Variants in PTBP3 observed in about 807,000 individuals in gnomAD.
PTBP3 encodes the protein polypyrimidine tract-binding protein 3.
PTBP3 carries 20 observed loss-of-function variants against 58.7 expected under a neutral mutation model. The ratio of observed to expected loss-of-function variants is 0.34; its 90% CI spans 0.24 to 0.50. The LOEUF (loss-of-function observed/expected upper bound fraction) is 0.50. PTBP3 is among the 20% of genes least tolerant of loss of function. The pLI is 0.98. For missense variants in PTBP3, 509 were observed against 637.2 expected, an observed-to-expected ratio of 0.80 and a Z score of 2.17; for synonymous variants, 185 against 219.8, an observed-to-expected ratio of 0.84 and a Z score of 1.40.
intron 7 of PTBP3, among the ~76,000 whole-genome samples, chr9:112,246,571 T>C (rs944320758): frequency 6.6e-6 from 1 of 151,328 alleles, no homozygotes; most frequent in Admixed American, 6.6e-5. Context: ...CGGGCACCTG[T>C]AGTCCCAGCT....
At chr9:112,273,035 G>T (rs1298209743) in intron 3 of PTBP3, among the ~76,000 whole-genome samples, 1 of 152,084 alleles carries the variant, frequency 6.6e-6, no homozygotes, top group Non-Finnish European at 1.5e-5. Context: ...ATATTAACTG[G>T]ACAGATGTTA....
chr9:112,329,813 T>C (rs73545885), intron 1 of PTBP3, among the ~76,000 whole-genome samples: 2,664 of 149,558 alleles, frequency 0.018, 88 homozygotes, highest in African/African-American at 0.062. Flanking sequence ...AGAAAGGACA[T>C]GGTAAGAAGA....
intron 1 of PTBP3, chr9:112,332,988 C>T: frequency 7.6e-7 from 1 of 1,314,894 alleles, no homozygotes; most frequent in Non-Finnish European, 9.7e-7. Flanking sequence ...CAGACGTGTA[C>T]CGACGCGTGC....
chr9:112,242,508 C>T (rs945645473), intron 7 of PTBP3: 1 of 152,140 alleles, frequency 6.6e-6, no homozygotes, highest in Non-Finnish European at 1.5e-5. Context: ...TCTCCTATGT[C>T]TTCTTCTGGA....
chr9:112,220,697 G>A lies in PTBP3; in HGVS notation c.*3154C>T. The A allele has an allele frequency of 1.0e-6, 1 of 985,874 alleles. No homozygotes were observed. Among genetic ancestry groups the A allele is most frequent in the Non-Finnish European group, 1.2e-6 (1 of 829,930 alleles). 61.1% of individuals were successfully genotyped at this position (985,874 alleles called of 1,614,324 possible). A position where few individuals can be genotyped will look rare whatever the true frequency, so the allele number is the denominator to read the frequency against. On this transcript the variant is annotated 3_prime_UTR_variant, in exon 14 of 14. Coordinates refer to ENST00000374257, the MANE Select transcript of PTBP3 (RefSeq NM_001163788.4). ...AAGATACTGGGTCATTTTTCTATTT[G>A]TATGTTACACAAAACACATTTTACT...
chr9:112,231,276 C>A, intron 10 of PTBP3, 104 bp downstream of exon 10: 1 of 864,656 alleles, frequency 1.2e-6, no homozygotes, highest in South Asian at 2.0e-5. Flanking sequence ...TCAGTGTCAG[C>A]ACAATACTTG....
chr9:112,313,829 T>C (rs562953672), intron 1 of PTBP3, among the ~76,000 whole-genome samples: 70 of 152,152 alleles, frequency 4.6e-4, no homozygotes, highest in Admixed American at 2.4e-3. Context: ...TAAACATAGA[T>C]AGATTAAAAG....
upstream of PTBP3, among the ~76,000 whole-genome samples, chr9:112,334,764 C>G (rs1197500735): frequency 1.3e-5 from 2 of 152,188 alleles, no homozygotes; most frequent in Non-Finnish European, 2.9e-5. Flanking sequence ...CAGTATTAAC[C>G]TACTATGTGC....
At chr9:112,368,477 C>A in the PTBP3 span, among the ~76,000 whole-genome samples, 2 of 151,966 alleles carry the variant, frequency 1.3e-5, no homozygotes, top group East Asian at 1.9e-4. Flanking sequence ...AGCCCAGGTA[C>A]CTTATCTTCA....
chr9:112,225,389 T>C (rs141713073), intron 12 of PTBP3, among the ~76,000 whole-genome samples: 86 of 152,320 alleles, frequency 5.6e-4, no homozygotes, highest in African/African-American at 2.0e-3. Context: ...GAATAGTGGA[T>C]ACCAGGAGCT....
chr9:112,293,517 C>T (rs932655715), intron 2 of PTBP3, among the ~76,000 whole-genome samples: 1 of 152,166 alleles, frequency 6.6e-6, no homozygotes, highest in Admixed American at 6.5e-5. Context: ...ATAGAACTCC[C>T]TCAATTATGA....
chr9:112,290,501 G>C (rs1828345327), intron 2 of PTBP3, among the ~76,000 whole-genome samples: 1 of 150,626 alleles, frequency 6.6e-6, no homozygotes, highest in Admixed American at 6.6e-5. Context: ...GTAAAACCCT[G>C]TCTCTAATAA....
intron 1 of PTBP3, among the ~76,000 whole-genome samples, chr9:112,320,279 T>TTAAA: frequency 2.3e-5 from 1 of 43,720 alleles, no homozygotes; most frequent in Admixed American, 2.8e-4. Context: ...CCCTTTCTCT[T>TTAAA]AAAAAAAAAA....
intron 4 of PTBP3, among the ~76,000 whole-genome samples, chr9:112,263,366 T>C (rs1836676500): frequency 6.6e-6 from 1 of 152,136 alleles, no homozygotes; most frequent in Admixed American, 6.6e-5. Flanking sequence ...GTAACAACTT[T>C]ATAGTGGAGA....
rs1835272141 is a variant in PTBP3 at position 112,232,211 on chromosome 9, G to T, written c.908C>A (p.Ala303Asp). The change falls in exon 9 of 14, where the codon GCT (alanine) becomes GAT (aspartate). Residue 303 changes from alanine to aspartate, a missense_variant. By Grantham distance (126) the Ala-to-Asp change is moderately radical. Coordinates refer to ENST00000374257, the MANE Select transcript of PTBP3 (RefSeq NM_001163788.4). ...AGAGGTGATTGTGAGAGGACCAAGA[G>T]CTCCAGGAACAGCTGGAACTGATAG... ...TGLSVPAVPG[A>D]LGPLTITSSA... 6.2e-7 allele frequency: 1 copy of T among 1,609,962 alleles called. No homozygotes were observed. The highest frequency in any genetic ancestry group is 1.7e-5 in the Admixed American group (1 of 59,638).
chr9:112,291,359 A>G (rs1313215331), intron 2 of PTBP3, among the ~76,000 whole-genome samples: 3 of 140,506 alleles, frequency 2.1e-5, no homozygotes, highest in Admixed American at 7.0e-5. Flanking sequence ...TTTTTGCAGG[A>G]AAAAAAAAAA....
chr9:112,248,825 T>C (rs912949392), intron 7 of PTBP3, among the ~76,000 whole-genome samples: 2 of 152,188 alleles, frequency 1.3e-5, no homozygotes, highest in African/African-American at 4.8e-5. Context: ...AGAATGTTCA[T>C]AGTAGCATCA....
At chr9:112,286,910 A>G (rs1828143812) in intron 2 of PTBP3, among the ~76,000 whole-genome samples, 1 of 151,934 alleles carries the variant, frequency 6.6e-6, no homozygotes, top group East Asian at 1.9e-4. Context: ...TTTTTTTTCC[A>G]GCACTCTAAT....
chr9:112,316,095 T>C (rs1412752291), intron 1 of PTBP3, among the ~76,000 whole-genome samples: 1 of 152,188 alleles, frequency 6.6e-6, no homozygotes, highest in Non-Finnish European at 1.5e-5. Context: ...TCTGGAACCA[T>C]CTAGTAAAGT....
Sources: allele counts gnomAD v4.1 joint callset (sites outside exome capture counted in the v4.1 genomes callset), GRCh38; gene constraint gnomAD v4.1.1; transcripts MANE v1.5; gene names NCBI Gene and HGNC (gene_info 2026-07-23, HGNC 2026-07-21).